The following ORC6 variants were observed in gnomAD, a reference collection of about 807,000 sequenced individuals.
The protein encoded by ORC6 is origin recognition complex, subunit 6 homolog-like (yeast).
In ORC6, 31 loss-of-function variants were observed where a neutral mutation model predicts 30.0. The ratio of observed to expected loss-of-function variants is 1.03; its 90% CI spans 0.78 to 1.40. ORC6 has a LOEUF of 1.40. Among genes scored for constraint, ORC6 ranks in the 40% most tolerant of loss-of-function variants. The pLI, the probability that ORC6 is intolerant of heterozygous loss-of-function variation, is 0.00. For synonymous variants in ORC6, 136 were observed against 111.2 expected (o/e 1.22, Z -1.40); for missense variants, 340 against 304.3 (o/e 1.12, Z -0.87).
intron 3 of ORC6, 100 bp from the exon 4 acceptor site, chr16:46,692,993 A>T: frequency 1.2e-6 from 1 of 811,894 alleles, no homozygotes. Context: ...GTGACAGCAC[A>T]CATATCCATT....
intron 2 of ORC6, 41 bp downstream of exon 2, chr16:46,691,161 C>G (rs755337677): frequency 1.5e-5 from 24 of 1,604,518 alleles, no homozygotes; most frequent in Non-Finnish European, 2.0e-5. Flanking sequence ...TCCAGTGCAA[C>G]ATTGAAGCTC....
chr16:46,695,470 TG>T, intron 4 of ORC6, 91 bp from the exon 5 acceptor site: 1 of 780,740 alleles, frequency 1.3e-6, no homozygotes, highest in Non-Finnish European at 2.3e-6. Context: ...TCTGGAAGCA[TG>T]GTCAAAAAGA....
At chr16:46,689,792 C>G (rs1487178196) in intron 1 of ORC6, 22 bp downstream of exon 1, 1 of 1,573,832 alleles carries the variant, frequency 6.4e-7, no homozygotes, top group Admixed American at 1.8e-5. Flanking sequence ...CGCGCAAGAC[C>G]AGGGCTGGGC....
rs770083698 is a variant in ORC6 at position 46,698,254 on chromosome 16, T to C, written c.*669T>C. 2.2e-6 allele frequency: 1 copy of C among 455,340 alleles called. No homozygotes were observed. The highest frequency in any genetic ancestry group is 1.6e-5 in the South Asian group (1 of 64,452). The allele number at this position is 455,340 out of a possible 1,614,324, so 28.2% of individuals were successfully genotyped here. A position where few individuals can be genotyped will look rare whatever the true frequency, so the allele number is the denominator to read the frequency against. On this transcript the variant is annotated 3_prime_UTR_variant, in exon 7 of 7. Transcript: ENST00000219097. ...CCATTTTGCTTTAAGTGAATGGCAG[T>C]CCCTTGTCTTATTCAGAATATAAAA...
At chr16:46,694,662 C>CT (rs1966500220) in intron 4 of ORC6, 1 of 144,252 alleles carries the variant, frequency 6.9e-6, no homozygotes, top group Non-Finnish European at 1.5e-5. Flanking sequence ...AACACTGTCT[C>CT]TTAAAAAAAA....
chr16:46,694,947 C>G (rs994659113), intron 4 of ORC6: 1 of 154,806 alleles, frequency 6.5e-6, no homozygotes, highest in African/African-American at 2.4e-5. Flanking sequence ...AGGTACATAC[C>G]TAGGAGTATT....
Position 46,691,223 on chromosome 16 carries a change from G to A in ORC6, c.195+103G>A, listed in dbSNP as rs771526200. On this transcript the variant is annotated intron_variant, in intron 2 of 6. Transcript: ENST00000219097. ...TAGTAAAAACTCTTGTTTTAGAATT[G>A]TCCTGGGTATTCTTGTGTGTTATTC... is the stretch of plus-strand genomic sequence containing the variant. 1.7e-4 allele frequency: 185 copies of A among 1,061,186 alleles called. 1 individual carries two copies. Among genetic ancestry groups the A allele is most frequent in the Non-Finnish European group, 2.6e-4 (181 of 694,456 alleles). 65.7% of individuals were successfully genotyped at this position (1,061,186 alleles called of 1,614,324 possible).
At chr16:46,693,204 C>T (rs1380162816) in intron 4 of ORC6, 22 bp downstream of exon 4, 1 of 1,524,516 alleles carries the variant, frequency 6.6e-7, no homozygotes, top group Non-Finnish European at 9.1e-7. Flanking sequence ...ATTAAACATT[C>T]AGAAAAGTTA....
rs761300530 is a variant in ORC6, at chr16:46,695,997, C to T, written c.563-20C>T. The T allele has an allele frequency of 4.4e-6, 7 of 1,590,558 alleles. No individual in the cohort carries two copies. The highest frequency in any genetic ancestry group is 2.2e-5 in the South Asian group (2 of 90,642). ...AATTGAGAACAGGAGAAAAATTAAC[C>T]TTGATAACACTTCTTAAAGGAGAAC... On this transcript the variant is annotated intron_variant, in intron 5 of 6. Transcript: ENST00000219097.
chr16:46,698,086 G>C lies in ORC6; in HGVS notation c.*501G>C. On this transcript the variant is annotated 3_prime_UTR_variant, in exon 7 of 7. Transcript: ENST00000219097. Reference sequence around the variant, plus strand: ...GCCGAGATTGCACCACCGCACTCCAGCCTGGGTGACAGAGCGAGACTTATC... The same window carrying C: ...GCCGAGATTGCACCACCGCACTCCACCCTGGGTGACAGAGCGAGACTTATC... 1 of 430,746 alleles carries C rather than the reference G, an allele frequency of 2.3e-6. No homozygotes were observed. Among genetic ancestry groups the C allele is most frequent in the South Asian group, 1.6e-5 (1 of 61,656 alleles). 26.7% of individuals were successfully genotyped at this position (430,746 alleles called of 1,614,324 possible).
rs755355269 is a variant in ORC6, at chr16:46,691,042, C to T, written c.117C>T (p.Ser39=). Residue 39 remains serine, a synonymous_variant, in exon 2 of 7, where the codon TCC becomes TCT. Coordinates refer to ENST00000219097, the MANE Select transcript of ORC6 (RefSeq NM_014321.4). Reference sequence around the variant, plus strand: ...CCCGGGTGAAGTGTGTCGGCCTCTCCGCACGCACCACGGAGACCAGCAGTG... The same window carrying T: ...CCCGGGTGAAGTGTGTCGGCCTCTCTGCACGCACCACGGAGACCAGCAGTG... The part of the protein sequence containing the change: ...RLSRVKCVGL[S]ARTTETSSAV... 2 of 1,614,150 alleles carry T rather than the reference C, an allele frequency of 1.2e-6. No individual in the cohort carries two copies. Among genetic ancestry groups the T allele is most frequent in the South Asian group, 2.2e-5 (2 of 91,088 alleles).
chr16:46,698,306 T>A lies in ORC6; in HGVS notation c.*721T>A, dbSNP rs1966546100. 1.1e-5 allele frequency: 5 copies of A among 450,318 alleles called. No homozygotes were observed. The highest frequency in any genetic ancestry group is 2.2e-5 in the Non-Finnish European group (5 of 223,510). The allele number at this position is 450,318 out of a possible 1,614,324, so 27.9% of individuals were successfully genotyped here. A position where few individuals can be genotyped will look rare whatever the true frequency, so the allele number is the denominator to read the frequency against. ...TCAGTCTGAATGGCATCTTACAGAT[T>A]TTACTTCAATTTTTGTGTACGGTAT... On this transcript the variant is annotated 3_prime_UTR_variant, in exon 7 of 7. Transcript: ENST00000219097.
chr16:46,692,863 G>A (rs1465068052), intron 3 of ORC6, among the ~76,000 whole-genome samples: 7 of 139,832 alleles, frequency 5.0e-5, no homozygotes, highest in East Asian at 4.2e-4. Flanking sequence ...GCAAGACTCC[G>A]TCTTGGGGCG....
In ORC6 at chr16:46,698,188, GATA is replaced by G. The variant is rs1966544313; in HGVS notation, c.*604_*606del. 2.3e-6 allele frequency: 1 copy of G among 440,306 alleles called. No individual in the cohort carries two copies. The highest frequency in any genetic ancestry group is 4.5e-6 in the Non-Finnish European group (1 of 220,512). The allele number at this position is 440,306 out of a possible 1,614,324, so 27.3% of individuals were successfully genotyped here. A position where few individuals can be genotyped will look rare whatever the true frequency, so the allele number is the denominator to read the frequency against. Reference sequence around the variant, plus strand: ...AGATAGATAGATAGATAGATGGATAGATAGATAGATAGATAGATAGATAGATAA... The same window carrying G: ...AGATAGATAGATAGATAGATGGATAGGATAGATAGATAGATAGATAGATAA... On this transcript the variant is annotated 3_prime_UTR_variant, in exon 7 of 7. Transcript: ENST00000219097.
rs1017540710 is a variant in ORC6, at chr16:46,692,616, T to G, written c.359+71T>G. On this transcript the variant is annotated intron_variant, in intron 3 of 6. Transcript: ENST00000219097. Reference sequence around the variant, plus strand: ...CGGGCGTGGTGGCTCACGCCTGTAATCCCAGCACTTTGGGAGGCCAAGTTG... The same window carrying G: ...CGGGCGTGGTGGCTCACGCCTGTAAGCCCAGCACTTTGGGAGGCCAAGTTG... 10 of 1,412,640 alleles carry G rather than the reference T, an allele frequency of 7.1e-6. No individual in the cohort carries two copies. The African/African-American group carries it at 1.3e-4, about 18-fold the overall frequency. 87.5% of individuals were successfully genotyped at this position (1,412,640 alleles called of 1,614,324 possible). A position where few individuals can be genotyped will look rare whatever the true frequency, so the allele number is the denominator to read the frequency against.
chr16:46,690,831 T>C (rs1966427507), intron 1 of ORC6, 160 bp from the exon 2 acceptor site: 2 of 731,542 alleles, frequency 2.7e-6, no homozygotes, highest in Non-Finnish European at 4.9e-6. Flanking sequence ...TGGTTCTGTC[T>C]TCCTCTCACC....
intron 4 of ORC6, chr16:46,694,501 C>A (rs1293635504): frequency 1.1e-4 from 16 of 142,808 alleles, no homozygotes; most frequent in Non-Finnish European, 1.5e-4. Flanking sequence ...TGACCCCCCC[C>A]ACCTCCTTCC....
chr16:46,689,857 G>C (rs1466761429), intron 1 of ORC6, 87 bp downstream of exon 1: 2 of 1,458,182 alleles, frequency 1.4e-6, no homozygotes, highest in Non-Finnish European at 1.8e-6. Flanking sequence ...CCCAGGCGAC[G>C]GGCGGCGGGG....
chr16:46,693,311 A>G (rs1000502102), intron 4 of ORC6, 129 bp downstream of exon 4: 2 of 696,056 alleles, frequency 2.9e-6, no homozygotes, highest in Non-Finnish European at 5.2e-6. Context: ...TATTAGGAAT[A>G]TTGGCCAAGT....
Sources: gnomAD v4.1 joint callset for allele counts (sites outside exome capture counted in the v4.1 genomes callset) on GRCh38, gnomAD v4.1.1 for gene constraint, MANE v1.5 for transcripts, NCBI Gene and HGNC (gene_info 2026-07-23, HGNC 2026-07-21) for gene names.